NALCN: variants seen among roughly 807,000 people sequenced by gnomAD.
The protein encoded by NALCN is sodium leak channel NALCN.
A neutral mutation model predicts 225.3 loss-of-function variants in NALCN; 111 were observed. The observed-to-expected ratio is 0.49, with a 90% confidence interval of 0.42 to 0.58. The LOEUF is 0.58. NALCN is among the 20% of genes least tolerant of loss of function. NALCN has a pLI of 0.00. For synonymous variants in NALCN, 764 were observed against 769.0 expected, an observed-to-expected ratio of 0.99 and a Z score of 0.11; for missense variants, 1,378 against 2,202.4, an observed-to-expected ratio of 0.63 and a Z score of 7.49.
intron 14 of NALCN, among the ~76,000 whole-genome samples, chr13:101,189,177 T>A (rs2039578623): frequency 6.6e-6 from 1 of 152,136 alleles, no homozygotes; most frequent in African/African-American, 2.4e-5. Flanking sequence ...AATGACAGAA[T>A]GTTAAATTTA....
At chr13:101,385,469 A>T (rs2046961707) in intron 3 of NALCN, among the ~76,000 whole-genome samples, 1 of 152,102 alleles carries the variant, frequency 6.6e-6, no homozygotes, top group South Asian at 2.1e-4. Context: ...CTCTATGTAG[A>T]TTCTCATTAT....
chr13:101,151,996 T>A (rs2037673552), intron 15 of NALCN, among the ~76,000 whole-genome samples: 1 of 152,220 alleles, frequency 6.6e-6, no homozygotes, highest in South Asian at 2.1e-4. Flanking sequence ...AAGACAGCGA[T>A]ACTGTACAGT....
intron 13 of NALCN, among the ~76,000 whole-genome samples, chr13:101,205,489 A>C (rs1003065226): frequency 2.6e-5 from 4 of 152,108 alleles, no homozygotes; most frequent in African/African-American, 4.8e-5. Context: ...ACCCCTGACA[A>C]TCTTTCTTGC....
At chr13:101,395,958 C>G (rs182005618) in intron 2 of NALCN, among the ~76,000 whole-genome samples, 300 of 152,112 alleles carry the variant, frequency 2.0e-3, no homozygotes, top group Non-Finnish European at 3.6e-3. Context: ...ATATATAATG[C>G]CTTTGTATAA....
Position 101,104,792 on chromosome 13 carries a change from A to T in NALCN, c.2636+102T>A. 6.4e-7 allele frequency: 1 copy of T among 1,551,092 alleles called. No homozygotes were observed. Among genetic ancestry groups the T allele is most frequent in the Non-Finnish European group, 8.9e-7 (1 of 1,128,620 alleles). On this transcript the variant is annotated intron_variant, in intron 23 of 43. Transcript: ENST00000251127. The surrounding 1 kb of genome is among the most constrained non-coding windows in gnomAD (Gnocchi z 4.2). ...CCCCAATCATCTATTTCATAGCACT[A>T]TATAGCAAGAAAATAAAAGAGAATT... is the stretch of plus-strand genomic sequence containing the variant.
At chr13:101,100,182 C>T (rs2034730709) in intron 27 of NALCN, among the ~76,000 whole-genome samples, 1 of 152,032 alleles carries the variant, frequency 6.6e-6, no homozygotes, top group South Asian at 2.1e-4. Context: ...AGTGGGGAAG[C>T]AATAAAAAGT....
intron 13 of NALCN, among the ~76,000 whole-genome samples, chr13:101,217,043 G>A (rs1366813653): frequency 6.6e-6 from 1 of 152,104 alleles, no homozygotes; most frequent in East Asian, 1.9e-4. Flanking sequence ...TTATTTTAGT[G>A]GGAAATCAGA....
At chr13:101,334,325 T>A (rs1372418492) in intron 7 of NALCN, among the ~76,000 whole-genome samples, 1 of 136,566 alleles carries the variant, frequency 7.3e-6, no homozygotes, top group Non-Finnish European at 1.5e-5. Flanking sequence ...GAAACTTACC[T>A]GAGTAGGTCC....
chr13:101,107,117 G>A (rs2035160841), intron 22 of NALCN, among the ~76,000 whole-genome samples: 1 of 152,144 alleles, frequency 6.6e-6, no homozygotes, highest in Non-Finnish European at 1.5e-5. Flanking sequence ...GGAACTACAA[G>A]CCTCATGGAA....
chr13:101,358,280 T>A (rs1172026582), intron 6 of NALCN, among the ~76,000 whole-genome samples: 2 of 151,624 alleles, frequency 1.3e-5, no homozygotes, highest in Non-Finnish European at 2.9e-5. Context: ...TAGGAGAAAA[T>A]TTTTGCAATC....
intron 18 of NALCN, 119 bp from the exon 19 acceptor site, chr13:101,111,345 A>C (rs2035426199): frequency 1.4e-6 from 1 of 734,650 alleles, no homozygotes; most frequent in Admixed American, 2.8e-5. Context: ...CACAAAATAC[A>C]GCAAATAACG....
chr13:101,251,057 A>G (rs898993353), intron 11 of NALCN, among the ~76,000 whole-genome samples: 1 of 152,100 alleles, frequency 6.6e-6, no homozygotes, highest in Non-Finnish European at 1.5e-5. Context: ...AATTGACACA[A>G]GCACTTTGAA....
chr13:101,355,458 T>G (rs1431591368), intron 6 of NALCN, among the ~76,000 whole-genome samples: 1 of 152,004 alleles, frequency 6.6e-6, no homozygotes, highest in Non-Finnish European at 1.5e-5. Context: ...AAGAATGGCA[T>G]TACTTAAAGG....
chr13:101,296,658 G>T (rs1430263668), intron 7 of NALCN, among the ~76,000 whole-genome samples: 1 of 152,166 alleles, frequency 6.6e-6, no homozygotes, highest in Non-Finnish European at 1.5e-5. Flanking sequence ...TGCTACAACA[G>T]CACCTGGGAA....
In NALCN at chr13:101,292,694, T is replaced by C. The variant is rs1405703195; in HGVS notation, c.800-328A>G. On this transcript the variant is annotated intron_variant, in intron 7 of 43. Transcript: ENST00000251127. The surrounding 1 kb of genome is among the most constrained non-coding windows in gnomAD (Gnocchi z 4.3). ...TATGTATAATTAAAAAAAGGATATG[T>C]ACCATTTAAGCTTGCCACTTGGAGC... 1.3e-5 allele frequency among the ~76,000 whole-genome samples: 2 copies of C among 152,208 alleles called. No individual in the cohort carries two copies. Among genetic ancestry groups the C allele is most frequent in the Non-Finnish European group, 1.5e-5 (1 of 68,028 alleles).
At position 101,102,924 on chromosome 13, in the gene NALCN, T is replaced by G. The variant is rs117689417; in HGVS notation, c.3057+248A>C. Among the ~76,000 whole-genome samples the G allele has an allele frequency of 0.014, 2,062 of 152,060 alleles. 25 individuals are homozygous for G. Among genetic ancestry groups the G allele is most frequent in the Non-Finnish European group, 0.02 (1,353 of 67,984 alleles). On this transcript the variant is annotated intron_variant, in intron 26 of 43. Coordinates refer to ENST00000251127, the MANE Select transcript of NALCN (RefSeq NM_052867.4). ...AGTCAAGAGGTTAGTACCGAAAGAG[T>G]CAGCAGATAGGAACTCTTTCAAATC...
At chr13:101,077,718 C>T (rs184593942) in intron 34 of NALCN, among the ~76,000 whole-genome samples, 4 of 152,230 alleles carry the variant, frequency 2.6e-5, no homozygotes, top group African/African-American at 9.6e-5. Context: ...AAAAGAAAAC[C>T]TTATTTACTA....
chr13:101,172,740 C>T (rs35540165), intron 15 of NALCN, among the ~76,000 whole-genome samples: 37,580 of 151,686 alleles, frequency 0.25, 5,365 homozygotes, highest in Non-Finnish European at 0.33. Flanking sequence ...TTTTGTTTTT[C>T]GTATTTTTAG....
intron 17 of NALCN, among the ~76,000 whole-genome samples, chr13:101,125,262 G>A (rs982884580): frequency 6.6e-6 from 1 of 152,120 alleles, no homozygotes; most frequent in Non-Finnish European, 1.5e-5. Context: ...GCTAGTTGCA[G>A]ATTTTAGATT....
Sources: gnomAD v4.1 joint callset for allele counts (sites outside exome capture counted in the v4.1 genomes callset) on GRCh38, gnomAD v4.1.1 for gene constraint, Gnocchi (gnomAD v3.1) non-coding constraint, MANE v1.5 for transcripts, NCBI Gene and HGNC (gene_info 2026-07-23, HGNC 2026-07-21) for gene names.